The following RAP1A variants were observed in gnomAD, a reference collection of about 807,000 sequenced individuals.
RAP1A encodes ras-related protein Rap-1A.
In RAP1A, 6 loss-of-function variants were observed where a neutral mutation model predicts 26.4. The observed-to-expected ratio is 0.23, with a 90% CI of 0.12 to 0.45. The LOEUF (loss-of-function observed/expected upper bound fraction) is 0.45, where lower values mean the gene tolerates loss of function less well. Ranked by LOEUF, RAP1A falls within the 20% of genes least tolerant of loss-of-function variation. The pLI is 0.99. For missense variants in RAP1A, 121 were observed against 217.2 expected (o/e 0.56, Z 2.78); for synonymous variants, 73 against 79.4 (o/e 0.92, Z 0.43).
intron 1 of RAP1A, among the ~76,000 whole-genome samples, chr1:111,558,711 C>A (rs547460404): frequency 1.3e-5 from 2 of 152,132 alleles, no homozygotes; most frequent in African/African-American, 4.8e-5. Context: ...AAGATATAAA[C>A]TTCTTAACTC....
chr1:111,689,911 C>T (rs1222109443), intron 1 of RAP1A, among the ~76,000 whole-genome samples: 5 of 152,092 alleles, frequency 3.3e-5, no homozygotes, highest in South Asian at 2.1e-4. Context: ...CTCCTGACCT[C>T]GTGATCCACC....
intron 1 of RAP1A, among the ~76,000 whole-genome samples, chr1:111,639,536 A>G (rs1025712709): frequency 2.6e-5 from 4 of 151,274 alleles, no homozygotes; most frequent in Non-Finnish European, 5.9e-5. Context: ...TTCTGATACT[A>G]TATACTATTA....
chr1:111,594,702 C>T (rs1437384138), intron 1 of RAP1A, among the ~76,000 whole-genome samples: 1 of 152,062 alleles, frequency 6.6e-6, no homozygotes, highest in Non-Finnish European at 1.5e-5. Context: ...TTAAGTGCTG[C>T]CTCTGCTCAT....
intron 1 of RAP1A, among the ~76,000 whole-genome samples, 196 bp downstream of exon 1, chr1:111,620,130 G>A (rs1659143115): frequency 1.3e-5 from 2 of 152,126 alleles, no homozygotes; most frequent in South Asian, 2.1e-4. Flanking sequence ...AGGCCCGGCC[G>A]CCGCCAGGGC....
intron 1 of RAP1A, among the ~76,000 whole-genome samples, chr1:111,603,076 C>T (rs893552571): frequency 1.3e-4 from 20 of 152,244 alleles, no homozygotes; most frequent in African/African-American, 4.6e-4. Flanking sequence ...TACTTCCCCA[C>T]CTACCCCATT....
At chr1:111,689,285 A>G (rs1014493038) in intron 1 of RAP1A, among the ~76,000 whole-genome samples, 5 of 141,228 alleles carry the variant, frequency 3.5e-5, no homozygotes, top group Non-Finnish European at 6.2e-5. Flanking sequence ...TTTCTTTCTT[A>G]TTACACCCCT....
chr1:111,619,875 AGGAGGAGGAGGAGGAGGT>A lies in RAP1A; in HGVS notation c.-78_-61del. 1 of 208,730 alleles carries A rather than the reference AGGAGGAGGAGGAGGAGGT, an allele frequency of 4.8e-6. No individual in the cohort carries two copies. 12.9% of individuals were successfully genotyped at this position (208,730 alleles called of 1,614,324 possible). ...GCAGGAGCCACGGCCGAGAGGAGGG[AGGAGGAGGAGGAGGAGGT>A]GGAGGAGGTGGAGGAGGTGGAGGAG... On this transcript the variant is annotated 5_prime_UTR_variant, in exon 1 of 8. Transcript: ENST00000369709.
chr1:111,551,767 T>TTTTGTTTTG (rs60895493), intron 1 of RAP1A, among the ~76,000 whole-genome samples: 64 of 23,934 alleles, frequency 2.7e-3, no homozygotes, highest in African/African-American at 4.1e-3. Flanking sequence ...TTTTGTTTTG[T>TTTTGTTTTG]TTTTTTGAGA....
chr1:111,666,767 C>T (rs1660807289), intron 1 of RAP1A, among the ~76,000 whole-genome samples: 1 of 152,050 alleles, frequency 6.6e-6, no homozygotes, highest in African/African-American at 2.4e-5. Flanking sequence ...GGAATTAATA[C>T]TTGTGCTCAG....
intron 1 of RAP1A, among the ~76,000 whole-genome samples, chr1:111,571,593 T>G (rs969686944): frequency 1.3e-5 from 2 of 152,206 alleles, no homozygotes; most frequent in African/African-American, 4.8e-5. Flanking sequence ...AGACTAAAAC[T>G]AAATATATTT....
intron 1 of RAP1A, among the ~76,000 whole-genome samples, chr1:111,552,717 T>C (rs1404752652): frequency 6.6e-6 from 1 of 152,214 alleles, no homozygotes; most frequent in Non-Finnish European, 1.5e-5. Flanking sequence ...CATATGTTGG[T>C]GTTTGAATAC....
chr1:111,591,677 A>G (rs2101066519), intron 1 of RAP1A, among the ~76,000 whole-genome samples: 1 of 152,334 alleles, frequency 6.6e-6, no homozygotes, highest in Middle Eastern at 3.4e-3. Context: ...TCTATATGAT[A>G]CTGACTTGTC....
chr1:111,692,011 G>C (rs1661686353), intron 2 of RAP1A, among the ~76,000 whole-genome samples: 1 of 152,204 alleles, frequency 6.6e-6, no homozygotes, highest in South Asian at 2.1e-4. Context: ...AAGAAAGGCA[G>C]AGTGGATGTG....
chr1:111,597,150 T>C (rs1405440002), intron 1 of RAP1A, among the ~76,000 whole-genome samples: 1 of 152,186 alleles, frequency 6.6e-6, no homozygotes, highest in Non-Finnish European at 1.5e-5. Flanking sequence ...TGATAAGCCC[T>C]TGGTCACAAG....
At chr1:111,663,397 G>T (rs536737499) in intron 1 of RAP1A, among the ~76,000 whole-genome samples, 18 of 152,290 alleles carry the variant, frequency 1.2e-4, no homozygotes, top group African/African-American at 4.3e-4. Flanking sequence ...TAATCTGACA[G>T]TGCTTTCCAT....
intron 1 of RAP1A, among the ~76,000 whole-genome samples, chr1:111,611,579 T>C (rs1393236107): frequency 6.6e-6 from 1 of 152,236 alleles, no homozygotes; most frequent in Non-Finnish European, 1.5e-5. Context: ...TCAGTTAACA[T>C]TGTAAATTTT....
intron 4 of RAP1A, among the ~76,000 whole-genome samples, chr1:111,700,805 C>T (rs573621901): frequency 6.1e-4 from 93 of 152,254 alleles, no homozygotes; most frequent in African/African-American, 2.2e-3. Context: ...ACCATGGAGT[C>T]GTCCTTGACT....
intron 1 of RAP1A, among the ~76,000 whole-genome samples, chr1:111,606,982 A>T (rs1187645711): frequency 6.6e-6 from 1 of 151,858 alleles, no homozygotes; most frequent in Non-Finnish European, 1.5e-5. Flanking sequence ...TGGCCACAAG[A>T]GTTCATTTGA....
Position 111,714,330 on chromosome 1 carries a change from A to G in RAP1A, c.*1929A>G, listed in dbSNP as rs752468286. ...AGGTCCTCTAAAGTCATTCTGCTTT[A>G]AAACACCCCTCAAACATACCTTTAA... On this transcript the variant is annotated 3_prime_UTR_variant, in exon 8 of 8. Transcript: ENST00000369709. 1 of 152,174 alleles carries G rather than the reference A, an allele frequency of 6.6e-6. No homozygotes were observed. Among genetic ancestry groups the G allele is most frequent in the Non-Finnish European group, 1.5e-5 (1 of 68,036 alleles). 9.4% of individuals were successfully genotyped at this position (152,174 alleles called of 1,614,324 possible). A position where few individuals can be genotyped will look rare whatever the true frequency, so the allele number is the denominator to read the frequency against.
Sources: allele counts gnomAD v4.1 joint callset (sites outside exome capture counted in the v4.1 genomes callset), GRCh38; gene constraint gnomAD v4.1.1; transcripts MANE v1.5; gene names NCBI Gene and HGNC (gene_info 2026-07-23, HGNC 2026-07-21).